Variants in SIM2 observed in about 807,000 individuals in gnomAD.
SIM2 encodes the protein single-minded homolog 2.
Under a neutral mutation model 64.8 loss-of-function variants are expected in SIM2, and 28 were observed. The ratio of observed to expected loss-of-function variants is 0.43; its 90% CI spans 0.32 to 0.59. SIM2 has a LOEUF of 0.59. Among genes scored for constraint, SIM2 ranks in the 20% least tolerant of loss-of-function variants. SIM2 has a pLI of 0.07. For synonymous variants in SIM2, 408 were observed against 391.1 expected (o/e 1.04, Z -0.51); for missense variants, 847 against 871.4 (o/e 0.97, Z 0.35).
In SIM2 at chr21:36,726,090, G is replaced by C. The variant is rs763738590; in HGVS notation, c.544-29G>C. On this transcript the variant is annotated intron_variant, in intron 5 of 10. Transcript: ENST00000290399. The surrounding 1 kb of genome is among the most constrained non-coding windows in gnomAD (Gnocchi z 4.5). ...GGCTCCAGCCCAACCCCAGTGGCCA[G>C]TGGCTGACCCTGCCCTCTCCACTCC... 3 of 1,598,962 alleles carry C rather than the reference G, an allele frequency of 1.9e-6. No individual in the cohort carries two copies. Among genetic ancestry groups the C allele is most frequent in the Non-Finnish European group, 8.5e-7 (1 of 1,170,008 alleles).
intron 3 of SIM2, among the ~76,000 whole-genome samples, chr21:36,717,585 T>G (rs116497753): frequency 0.019 from 2,831 of 152,074 alleles, 83 homozygotes; most frequent in African/African-American, 0.065. Context: ...GTAGCTGGGA[T>G]CACAGCCGCA....
intron 5 of SIM2, among the ~76,000 whole-genome samples, chr21:36,724,391 A>G (rs1366527245): frequency 6.6e-6 from 1 of 152,042 alleles, no homozygotes; most frequent in Non-Finnish European, 1.5e-5. Flanking sequence ...TGATCCTCCC[A>G]CCTCAGCCAT....
chr21:36,728,749 C>A (rs2088927447), intron 6 of SIM2, among the ~76,000 whole-genome samples: 1 of 152,302 alleles, frequency 6.6e-6, no homozygotes, highest in African/African-American at 2.4e-5. Flanking sequence ...AGCAGAGTGG[C>A]CAAGCAGGGT....
intron 1 of SIM2, among the ~76,000 whole-genome samples, chr21:36,702,122 C>A (rs1211989448): frequency 2.0e-5 from 3 of 152,148 alleles, no homozygotes; most frequent in Non-Finnish European, 4.4e-5. Context: ...CGGCTCTGTG[C>A]GTTCTGGCTC....
chr21:36,740,025 A>T (rs909564338), intron 7 of SIM2, among the ~76,000 whole-genome samples: 1 of 76,136 alleles, frequency 1.3e-5, no homozygotes, highest in East Asian at 2.5e-4. Context: ...GAAAGAAAGA[A>T]AGAAAGAAAG....
intron 4 of SIM2, among the ~76,000 whole-genome samples, chr21:36,722,819 G>T (rs959040018): frequency 6.6e-6 from 1 of 152,178 alleles, no homozygotes; most frequent in Non-Finnish European, 1.5e-5. Context: ...GGCCTCGTTT[G>T]GCTGCCTTCC....
intron 3 of SIM2, among the ~76,000 whole-genome samples, chr21:36,713,098 A>T (rs762282345): frequency 3.3e-5 from 5 of 152,214 alleles, no homozygotes; most frequent in African/African-American, 9.6e-5. Context: ...GAGTGTTCGC[A>T]TGGAATTCGG....
chr21:36,709,289 A>T (rs745793860), intron 2 of SIM2, 39 bp downstream of exon 2: 1 of 1,503,332 alleles, frequency 6.7e-7, no homozygotes, highest in South Asian at 1.2e-5. Context: ...CAGCCGCCGC[A>T]GGCTCCCTTC....
intron 1 of SIM2, among the ~76,000 whole-genome samples, chr21:36,704,389 A>AT (rs910043473): frequency 3.9e-5 from 6 of 152,204 alleles, no homozygotes; most frequent in African/African-American, 1.4e-4. Context: ...AACAACGTAG[A>AT]TTTTTTACAA....
At position 36,747,847 on chromosome 21, in the gene SIM2, G is replaced by A. The variant is rs2089252266; in HGVS notation, c.1759G>A (p.Glu587Lys). 3 of 1,037,326 alleles carry A rather than the reference G, an allele frequency of 2.9e-6. No individual in the cohort carries two copies. The highest frequency in any genetic ancestry group is 3.5e-6 in the Non-Finnish European group (3 of 862,870). 64.3% of individuals were successfully genotyped at this position (1,037,326 alleles called of 1,614,324 possible). A position where few individuals can be genotyped will look rare whatever the true frequency, so the allele number is the denominator to read the frequency against. The change falls in exon 11 of 11, where the codon GAG becomes AAG. Residue 587 changes from glutamate (E) to lysine (K), a missense_variant. By Grantham distance (56) the Glu-to-Lys change is moderately conservative (BLOSUM62 1). This residue lies in a region of SIM2 where 447 missense variants were observed against 414.6 expected (regional missense o/e 1.08). Transcript: ENST00000290399. The surrounding 1 kb of genome is among the most constrained non-coding windows in gnomAD (Gnocchi z 4.5). ...APECCAPPTP[E>K]APGAPAQLPF... The stretch of plus-strand genomic sequence containing the variant: ...CGAGTGCTGCGCGCCCCCGACCCCC[G>A]AGGCCCCGGGCGCGCCGGCGCAGCT...
Position 36,745,570 on chromosome 21 carries a change from G to C in SIM2, c.1576+434G>C. The C allele has an allele frequency of 9.0e-7, 1 of 1,112,326 alleles. No individual in the cohort carries two copies. Among genetic ancestry groups the C allele is most frequent in the Non-Finnish European group, 1.1e-6 (1 of 900,124 alleles). 68.9% of individuals were successfully genotyped at this position (1,112,326 alleles called of 1,614,324 possible). A position where few individuals can be genotyped will look rare whatever the true frequency, so the allele number is the denominator to read the frequency against. On this transcript the variant is annotated intron_variant, in intron 10 of 10. Coordinates refer to ENST00000290399, the MANE Select transcript of SIM2 (RefSeq NM_005069.6). This position sits in a 1 kb window ranked among gnomAD's most constrained non-coding sequence, Gnocchi z 4.8. ...TGGCTATTTTCCCATGCCAGTTTTG[G>C]AAGTGGGGAAAACTATGGTGGAAAT...
chr21:36,741,949 T>C (rs1601058498), intron 8 of SIM2, 85 bp downstream of exon 8: 1 of 1,290,158 alleles, frequency 7.8e-7, no homozygotes, highest in Non-Finnish European at 1.0e-6. Flanking sequence ...CCATCTCTCT[T>C]TCTCTCTTTC....
At chr21:36,741,910 T>C in intron 8 of SIM2, 46 bp downstream of exon 8, 1 of 1,500,548 alleles carries the variant, frequency 6.7e-7, no homozygotes, top group Non-Finnish European at 9.0e-7. Context: ...TTCTCTTCCC[T>C]GTCCCACATC....
At chr21:36,735,427 A>G (rs547125185) in intron 7 of SIM2, among the ~76,000 whole-genome samples, 1 of 152,220 alleles carries the variant, frequency 6.6e-6, no homozygotes, top group South Asian at 2.1e-4. Context: ...TCCCTTGTCC[A>G]CAGAGGCCAC....
chr21:36,729,932 C>T (rs989584056), intron 6 of SIM2, among the ~76,000 whole-genome samples: 2 of 152,128 alleles, frequency 1.3e-5, no homozygotes, highest in African/African-American at 2.4e-5. Context: ...GCCCAGGGCT[C>T]GATGAGAACA....
intron 1 of SIM2, among the ~76,000 whole-genome samples, chr21:36,704,337 C>A (rs1381607741): frequency 2.0e-5 from 3 of 152,216 alleles, no homozygotes; most frequent in African/African-American, 4.8e-5. Flanking sequence ...TCTACCTCCG[C>A]TGGAAAAAAT....
intron 1 of SIM2, among the ~76,000 whole-genome samples, chr21:36,708,456 G>A (rs1010994858): frequency 1.4e-4 from 22 of 152,354 alleles, no homozygotes; most frequent in Admixed American, 1.4e-3. Context: ...CCCTAATTAT[G>A]TGACAGGAGA....
At position 36,747,866 on chromosome 21, in the gene SIM2, C is replaced by A; in HGVS notation, c.1778C>A (p.Ala593Glu). The A allele has an allele frequency of 9.6e-7, 1 of 1,045,922 alleles. No homozygotes were observed. Among genetic ancestry groups the A allele is most frequent in the Non-Finnish European group, 1.2e-6 (1 of 865,794 alleles). The allele number at this position is 1,045,922 out of a possible 1,614,324, so 64.8% of individuals were successfully genotyped here. ...PPTPEAPGAP[A>E]QLPFVLLNYH... ...ACCCCCGAGGCCCCGGGCGCGCCGG[C>A]GCAGCTGCCCTTCGTGCTGCTCAAC... Residue 593 changes from alanine to glutamate, a missense_variant, in exon 11 of 11, where the codon GCG becomes GAG. Around this residue, in one of 3 missense-constraint regions of SIM2, gnomAD observed 447 missense variants for 414.6 expected, o/e 1.08. Coordinates refer to ENST00000290399, the MANE Select transcript of SIM2 (RefSeq NM_005069.6). The surrounding 1 kb of genome is among the most constrained non-coding windows in gnomAD (Gnocchi z 4.5).
intron 3 of SIM2, among the ~76,000 whole-genome samples, chr21:36,718,712 G>A (rs1353160545): frequency 2.0e-5 from 3 of 152,206 alleles, no homozygotes; most frequent in East Asian, 3.9e-4. Flanking sequence ...GGGGTTCACC[G>A]ACTCACTGTC....
Sources: gnomAD v4.1 joint callset for allele counts (sites outside exome capture counted in the v4.1 genomes callset) on GRCh38, gnomAD v4.1.1 for gene constraint, gnomAD v4.1.1 regional missense constraint, Gnocchi (gnomAD v3.1) non-coding constraint, MANE v1.5 for transcripts, NCBI Gene and HGNC (gene_info 2026-07-23, HGNC 2026-07-21) for gene names.